Variants in FIG4 observed in about 807,000 individuals in gnomAD.
FIG4 encodes polyphosphoinositide phosphatase.
A neutral mutation model predicts 118.6 loss-of-function variants in FIG4; 112 were observed. That is an observed-to-expected ratio of 0.94 (90% CI 0.81 to 1.11). The LOEUF is 1.11. FIG4 is among the 50% of genes least tolerant of loss of function. FIG4 has a pLI of 0.00. For missense variants in FIG4, 969 were observed against 1,111.7 expected (o/e 0.87, Z 1.83); for synonymous variants, 369 against 381.2 (o/e 0.97, Z 0.37).
intron 17 of FIG4, chr6:109,785,690 T>C (rs1049084791): frequency 6.4e-6 from 3 of 470,960 alleles, no homozygotes. Flanking sequence ...CAAGATCTCC[T>C]GCGAATCTGG....
At chr6:109,809,220 A>G (rs1046900074) in intron 22 of FIG4, among the ~76,000 whole-genome samples, 4 of 152,248 alleles carry the variant, frequency 2.6e-5, no homozygotes, top group African/African-American at 9.6e-5. Context: ...TATGCCAACC[A>G]AAACAATGTA....
At chr6:109,708,379 T>G (rs1257081942) in intron 1 of FIG4, among the ~76,000 whole-genome samples, 1 of 152,240 alleles carries the variant, frequency 6.6e-6, no homozygotes, top group East Asian at 1.9e-4. Context: ...TGATGGGCAT[T>G]TAGGTTGAAT....
chr6:109,791,579 G>T lies in FIG4; in HGVS notation c.2376+8G>T. The T allele has an allele frequency of 6.2e-7, 1 of 1,613,312 alleles. No homozygotes were observed. Among genetic ancestry groups the T allele is most frequent in the East Asian group, 2.2e-5 (1 of 44,874 alleles). ...AGTGCCAAAGTGACCGAGGTGCGGG[G>T]GAGGGAAGCCTGTGGCATCCAGCCT... On this transcript the variant is annotated splice_region_variant and intron_variant, in intron 20 of 22. Coordinates refer to ENST00000230124, the MANE Select transcript of FIG4 (RefSeq NM_014845.6).
intron 7 of FIG4, 85 bp downstream of exon 7, chr6:109,738,538 A>G: frequency 8.0e-7 from 1 of 1,256,842 alleles, no homozygotes; most frequent in Non-Finnish European, 1.2e-6. Context: ...GAATTATATG[A>G]TTATAATACC....
At chr6:109,701,087 G>A (rs144287002) in intron 1 of FIG4, among the ~76,000 whole-genome samples, 3 of 152,262 alleles carry the variant, frequency 2.0e-5, no homozygotes, top group Admixed American at 1.3e-4. Context: ...CTCTGGAGGC[G>A]AAGTTCAGGT....
chr6:109,696,303 G>A (rs1390249905), intron 1 of FIG4, among the ~76,000 whole-genome samples: 1 of 152,172 alleles, frequency 6.6e-6, no homozygotes, highest in Non-Finnish European at 1.5e-5. Flanking sequence ...TAGCAAGTTA[G>A]TATCAGTTTA....
intron 22 of FIG4, among the ~76,000 whole-genome samples, chr6:109,819,773 G>A (rs1205365703): frequency 6.6e-6 from 1 of 152,102 alleles, no homozygotes; most frequent in Non-Finnish European, 1.5e-5. Context: ...CCATGTAATT[G>A]TTAACAATAG....
chr6:109,704,010 G>A (rs1211445398), intron 1 of FIG4, among the ~76,000 whole-genome samples: 2 of 152,074 alleles, frequency 1.3e-5, no homozygotes, highest in African/African-American at 4.8e-5. Flanking sequence ...GGCTTTAAAT[G>A]CTGCATACAT....
At chr6:109,703,297 T>G (rs1774959778) in intron 1 of FIG4, among the ~76,000 whole-genome samples, 1 of 152,122 alleles carries the variant, frequency 6.6e-6, no homozygotes, top group African/African-American at 2.4e-5. Flanking sequence ...AGTTTGAAGC[T>G]TGTTTTTTTT....
chr6:109,785,434 G>C (rs969573646), intron 17 of FIG4, among the ~76,000 whole-genome samples: 24 of 152,218 alleles, frequency 1.6e-4, no homozygotes, highest in African/African-American at 5.8e-4. Flanking sequence ...CTAATAAGCA[G>C]TGAAAAAAGG....
At chr6:109,824,227 C>T (rs1355832026) in intron 22 of FIG4, among the ~76,000 whole-genome samples, 1 of 152,102 alleles carries the variant, frequency 6.6e-6, no homozygotes, top group Admixed American at 6.5e-5. Context: ...TCAAATTACC[C>T]GAGAAAGGAA....
chr6:109,733,738 T>C (rs1227114318), intron 5 of FIG4, among the ~76,000 whole-genome samples: 1 of 152,014 alleles, frequency 6.6e-6, no homozygotes, highest in Admixed American at 6.6e-5. Context: ...TTCATTGTAT[T>C]TTTCGCCATC....
chr6:109,822,153 CTTTT>C (rs576911723), intron 22 of FIG4, among the ~76,000 whole-genome samples: 1 of 152,108 alleles, frequency 6.6e-6, no homozygotes, highest in South Asian at 2.1e-4. Context: ...ACGACAGTGT[CTTTT>C]TTTAAAAGTG....
chr6:109,785,683 G>C (rs1181570204), intron 17 of FIG4: 9 of 471,012 alleles, frequency 1.9e-5, no homozygotes, highest in Admixed American at 1.6e-4. Flanking sequence ...TTCCTAGCAA[G>C]ATCTCCTGCG....
At chr6:109,814,641 T>A (rs1461669407) in intron 22 of FIG4, among the ~76,000 whole-genome samples, 2 of 152,234 alleles carry the variant, frequency 1.3e-5, no homozygotes, top group Non-Finnish European at 2.9e-5. Flanking sequence ...TGGGATATAC[T>A]TTGTTACTGA....
At chr6:109,737,533 T>C (rs1776194297) in intron 6 of FIG4, among the ~76,000 whole-genome samples, 1 of 152,270 alleles carries the variant, frequency 6.6e-6, no homozygotes, top group Non-Finnish European at 1.5e-5. Flanking sequence ...GTATAGTGTA[T>C]AAACAAATAC....
chr6:109,746,367 T>G (rs1776497899), intron 10 of FIG4, among the ~76,000 whole-genome samples: 1 of 152,068 alleles, frequency 6.6e-6, no homozygotes, highest in Admixed American at 6.6e-5. Context: ...AGGTAAATGG[T>G]GCAACAAGAG....
intron 1 of FIG4, among the ~76,000 whole-genome samples, chr6:109,703,092 G>A (rs932010044): frequency 7.1e-6 from 1 of 141,788 alleles, no homozygotes; most frequent in Non-Finnish European, 1.6e-5. Context: ...AGGGTTCATA[G>A]AAGTTCATTT....
intron 1 of FIG4, among the ~76,000 whole-genome samples, chr6:109,705,605 T>C (rs189741633): frequency 2.0e-5 from 3 of 152,364 alleles, no homozygotes; most frequent in East Asian, 1.9e-4. Flanking sequence ...GATCTAGATA[T>C]TGGAAGTACA....
Sources: gnomAD v4.1 joint callset for allele counts (sites outside exome capture counted in the v4.1 genomes callset) on GRCh38, gnomAD v4.1.1 for gene constraint, MANE v1.5 for transcripts, NCBI Gene and HGNC (gene_info 2026-07-23, HGNC 2026-07-21) for gene names.